Variants in SH3GL2 observed in about 807,000 individuals in gnomAD.
The protein encoded by SH3GL2 is SH3 domain containing GRB2 like 2, endophilin A1.
Under a neutral mutation model 46.0 loss-of-function variants are expected in SH3GL2, and 24 were observed. That is an observed-to-expected ratio of 0.52 (90% confidence interval 0.38 to 0.73). The LOEUF is 0.73. Among genes scored for constraint, SH3GL2 ranks in the 30% least tolerant of loss-of-function variants. SH3GL2 has a pLI of 0.00. For synonymous variants in SH3GL2, 196 were observed against 147.1 expected (o/e 1.33, Z -2.40); for missense variants, 413 against 424.2 (o/e 0.97, Z 0.23).
At chr9:17,665,897 G>A (rs1431625126) in intron 1 of SH3GL2, among the ~76,000 whole-genome samples, 2 of 147,234 alleles carry the variant, frequency 1.4e-5, no homozygotes, top group Admixed American at 6.9e-5. Flanking sequence ...CTAGTTGTCC[G>A]TCTATCCATG....
At chr9:17,650,733 G>A (rs1273820647) in intron 1 of SH3GL2, among the ~76,000 whole-genome samples, 1 of 152,204 alleles carries the variant, frequency 6.6e-6, no homozygotes, top group Non-Finnish European at 1.5e-5. Context: ...AAGCCGACCT[G>A]AATACATTAT....
intron 1 of SH3GL2, among the ~76,000 whole-genome samples, chr9:17,651,368 G>A (rs1358930093): frequency 6.6e-6 from 1 of 152,116 alleles, no homozygotes; most frequent in Non-Finnish European, 1.5e-5. Flanking sequence ...TTTATTTAGG[G>A]AATTTTAAAT....
intron 7 of SH3GL2, 118 bp downstream of exon 7, chr9:17,791,452 C>A: frequency 1.4e-6 from 1 of 717,054 alleles, no homozygotes; most frequent in Non-Finnish European, 2.5e-6. Context: ...TCCGCTTATC[C>A]TACAGAGGCG....
chr9:17,602,516 G>A (rs1238063448), intron 1 of SH3GL2, among the ~76,000 whole-genome samples: 2 of 152,176 alleles, frequency 1.3e-5, no homozygotes, highest in Non-Finnish European at 2.9e-5. Flanking sequence ...GAGATTGGCA[G>A]GTCTAATGGC....
chr9:17,779,305 G>T (rs9407867), intron 3 of SH3GL2, among the ~76,000 whole-genome samples: 17 of 152,180 alleles, frequency 1.1e-4, no homozygotes, highest in African/African-American at 4.1e-4. Flanking sequence ...TTTAGACAAG[G>T]ATTTTGTTTT....
At chr9:17,794,319 C>T (rs970581239) in intron 8 of SH3GL2, among the ~76,000 whole-genome samples, 2 of 152,086 alleles carry the variant, frequency 1.3e-5, no homozygotes, top group Non-Finnish European at 2.9e-5. Context: ...TTTCCTGTAT[C>T]CCCAGTGCTT....
At position 17,792,052 on chromosome 9, in the gene SH3GL2, A is replaced by G. The variant is rs115440320; in HGVS notation, c.728+718A>G. On this transcript the variant is annotated intron_variant, in intron 7 of 8. Coordinates refer to ENST00000380607, the MANE Select transcript of SH3GL2 (RefSeq NM_003026.5). ...AACAGGATGATTTTGCTGAACATGT[A>G]TACCTCAAAGGGTCACCTCAGCAAG... 1.9e-3 allele frequency among the ~76,000 whole-genome samples: 292 copies of G among 152,284 alleles called. 1 individual carries two copies. Among genetic ancestry groups the G allele is most frequent in the African/African-American group, 6.8e-3 (281 of 41,558 alleles).
At chr9:17,750,765 T>C (rs143740282) in intron 2 of SH3GL2, among the ~76,000 whole-genome samples, 122 of 152,348 alleles carry the variant, frequency 8.0e-4, no homozygotes, top group African/African-American at 2.8e-3. Flanking sequence ...GTTGCTGCAA[T>C]GATTGTGTAG....
chr9:17,632,104 CAAT>C (rs1819440221), intron 1 of SH3GL2, among the ~76,000 whole-genome samples: 1 of 152,036 alleles, frequency 6.6e-6, no homozygotes, highest in Non-Finnish European at 1.5e-5. Flanking sequence ...GGGGAAAAAT[CAAT>C]AATTAGTGTT....
chr9:17,697,134 A>T (rs572030627), intron 1 of SH3GL2, among the ~76,000 whole-genome samples: 1 of 152,264 alleles, frequency 6.6e-6, no homozygotes, highest in African/African-American at 2.4e-5. Flanking sequence ...TCAGGGCTGG[A>T]TAGATTGATT....
At chr9:17,662,933 A>T (rs956880741) in intron 1 of SH3GL2, among the ~76,000 whole-genome samples, 1 of 151,896 alleles carries the variant, frequency 6.6e-6, no homozygotes, top group Admixed American at 6.6e-5. Context: ...CTGGTCTCCA[A>T]CTCCTGACCT....
intron 1 of SH3GL2, among the ~76,000 whole-genome samples, chr9:17,731,601 T>C (rs1200793649): frequency 6.6e-6 from 1 of 152,152 alleles, no homozygotes; most frequent in Non-Finnish European, 1.5e-5. Context: ...CACTCTTATC[T>C]TGGGCTTCTA....
intron 7 of SH3GL2, among the ~76,000 whole-genome samples, chr9:17,793,096 G>A (rs957562381): frequency 6.6e-6 from 1 of 152,150 alleles, no homozygotes; most frequent in African/African-American, 2.4e-5. Context: ...AGCACAGTGC[G>A]TATTTGGATA....
chr9:17,612,927 G>C (rs1038158800), intron 1 of SH3GL2, among the ~76,000 whole-genome samples: 1 of 152,024 alleles, frequency 6.6e-6, no homozygotes, highest in East Asian at 1.9e-4. Context: ...GTCATTTCTT[G>C]TATGACTGAA....
At chr9:17,708,414 G>A (rs747137091) in intron 1 of SH3GL2, among the ~76,000 whole-genome samples, 24 of 151,946 alleles carry the variant, frequency 1.6e-4, no homozygotes, top group African/African-American at 1.7e-4. Flanking sequence ...TCTACTTTGC[G>A]TAATTTAGGG....
In SH3GL2 at chr9:17,779,890, T is replaced by A. The variant is rs1287727927; in HGVS notation, c.188-6491T>A. ...TTGAAGTACTTACACACTTCCACTC[T>A]AAAATCTTCTCTTTGTCCTGTGTTC... On this transcript the variant is annotated intron_variant, in intron 3 of 8. Transcript: ENST00000380607. Among the ~76,000 whole-genome samples the A allele has an allele frequency of 1.3e-5, 2 of 152,180 alleles. 1 individual carries two copies. The highest frequency in any genetic ancestry group is 2.9e-5 in the Non-Finnish European group (2 of 68,030).
In SH3GL2 at chr9:17,608,226, C is replaced by T. The variant is rs76008599; in HGVS notation, c.45+28939C>T. ...GCAGTGGCACAATCTCAGCTCACTG[C>T]AAGCTCTGCCTCCCAGGTTCACGCC... On this transcript the variant is annotated intron_variant, in intron 1 of 8. Coordinates refer to ENST00000380607, the MANE Select transcript of SH3GL2 (RefSeq NM_003026.5). 1.5e-3 allele frequency among the ~76,000 whole-genome samples: 216 copies of T among 144,880 alleles called. 7 individuals are homozygous for T. In the East Asian group the frequency reaches 0.039, roughly 26 times the overall value.
At chr9:17,648,370 A>G (rs1371002348) in intron 1 of SH3GL2, among the ~76,000 whole-genome samples, 1 of 152,212 alleles carries the variant, frequency 6.6e-6, no homozygotes, top group Non-Finnish European at 1.5e-5. Flanking sequence ...TTATATCTAC[A>G]CAAAGGTACA....
At chr9:17,758,561 CAAAAAAAAAAAAA>C (rs57019804) in intron 2 of SH3GL2, among the ~76,000 whole-genome samples, 588 of 29,260 alleles carry the variant, frequency 0.02, 15 homozygotes, top group South Asian at 0.12. Flanking sequence ...GACCCTGTCT[CAAAAAAAAAAAAA>C]AAAAAAAAAA....
Sources: allele counts gnomAD v4.1 joint callset (sites outside exome capture counted in the v4.1 genomes callset), GRCh38; gene constraint gnomAD v4.1.1; transcripts MANE v1.5; gene names NCBI Gene and HGNC (gene_info 2026-07-23, HGNC 2026-07-21).